PM20D1: variants seen among roughly 807,000 people sequenced by gnomAD.
PM20D1 encodes the protein peptidase M20 domain containing 1.
In PM20D1, 53 loss-of-function variants were observed where a neutral mutation model predicts 53.8. That is an observed-to-expected ratio of 0.98 (90% CI 0.79 to 1.24). The LOEUF (loss-of-function observed/expected upper bound fraction) is 1.24, where lower values mean the gene tolerates loss of function less well. PM20D1 is among the 50% of genes most tolerant of loss of function. The pLI, the probability that PM20D1 is intolerant of heterozygous loss-of-function variation, is 0.00. For missense variants in PM20D1, 564 were observed against 616.8 expected (o/e 0.91, Z 0.91); for synonymous variants, 239 against 241.3 (o/e 0.99, Z 0.09).
chr1:205,844,097 G>C lies in PM20D1; in HGVS notation c.697C>G (p.Pro233Ala), dbSNP rs1166953221. ...LDDFIPNFKK[P>A]IALIAVSEKG... is the part of the protein sequence containing the mutation. The stretch of plus-strand genomic sequence containing the variant: ...GGATGCTTTACTCACAAGGCGATGG[G>C]CTTCTTGAAGTTAGGAATGAAATCA... The change falls in exon 5 of 13, where the codon CCC (proline) becomes GCC (alanine). Residue 233 changes from proline (P) to alanine (A), a missense_variant. Transcript: ENST00000367136. The C allele has an allele frequency of 6.2e-7, 1 of 1,612,142 alleles. No homozygotes were observed. Among genetic ancestry groups the C allele is most frequent in the Admixed American group, 1.7e-5 (1 of 59,778 alleles).
chr1:205,845,770 G>A (rs1317097671), intron 2 of PM20D1, among the ~76,000 whole-genome samples: 1 of 152,142 alleles, frequency 6.6e-6, no homozygotes, highest in African/African-American at 2.4e-5. Context: ...CTATTACTAT[G>A]TAATAAATGC....
At chr1:205,836,556 G>A (rs1656692097) in intron 10 of PM20D1, among the ~76,000 whole-genome samples, 1 of 152,178 alleles carries the variant, frequency 6.6e-6, no homozygotes, top group East Asian at 1.9e-4. Context: ...CACCCAGGCT[G>A]GAGTGCAGTG....
At chr1:205,830,165 G>T in intron 12 of PM20D1, 115 bp downstream of exon 12, 1 of 760,958 alleles carries the variant, frequency 1.3e-6, no homozygotes, top group South Asian at 1.8e-5. Context: ...ATTTCATTTT[G>T]CCAAATCCTG....
intron 3 of PM20D1, 129 bp from the exon 4 acceptor site, chr1:205,845,026 A>G: frequency 2.5e-6 from 2 of 786,494 alleles, no homozygotes; most frequent in Non-Finnish European, 4.1e-6. Flanking sequence ...CTCTTGAAAG[A>G]GAACAGATTC....
intron 4 of PM20D1, 66 bp from the exon 5 acceptor site, chr1:205,844,283 T>C: frequency 2.0e-6 from 3 of 1,493,176 alleles, no homozygotes; most frequent in Non-Finnish European, 2.7e-6. Context: ...ACATAGCTAA[T>C]GGGGACCTAT....
intron 2 of PM20D1, among the ~76,000 whole-genome samples, chr1:205,847,006 C>CTTTTTTTTT (rs778538865): frequency 6.7e-5 from 3 of 44,666 alleles, no homozygotes; most frequent in Non-Finnish European, 1.2e-4. Context: ...TCCTTCCTTT[C>CTTTTTTTTT]TTTTTTTTTT....
In PM20D1 at chr1:205,849,974, A is replaced by T. The variant is rs1226892501; in HGVS notation, c.99T>A (p.His33Gln). The change falls in exon 1 of 13, where the codon CAT becomes CAA. Residue 33 changes from histidine to glutamine, a missense_variant. Coordinates refer to ENST00000367136, the MANE Select transcript of PM20D1 (RefSeq NM_152491.5). ...GAGAAGGGATTCGCGACGCCCTTTG[A>T]TGCTCCCCGCTCCTCGGGCCCATCG... ...SRSMGPRSGE[H>Q]QRASRIPSQF... The T allele has an allele frequency of 6.8e-6, 11 of 1,613,868 alleles. No individual in the cohort carries two copies. Among genetic ancestry groups the T allele is most frequent in the African/African-American group, 1.3e-5 (1 of 74,852 alleles).
chr1:205,841,759 G>A, intron 9 of PM20D1, 52 bp downstream of exon 9: 2 of 1,466,374 alleles, frequency 1.4e-6, no homozygotes, highest in East Asian at 2.5e-5. Context: ...AAGGAAGGGA[G>A]GAGTGGAGGG....
At chr1:205,842,862 G>A in intron 6 of PM20D1, 111 bp from the exon 7 acceptor site, 1 of 883,788 alleles carries the variant, frequency 1.1e-6, no homozygotes, top group East Asian at 2.5e-5. Flanking sequence ...TGGCCAAGAG[G>A]TCTCTCATTC....
At chr1:205,844,660 A>T (rs754259228) in intron 4 of PM20D1, 151 bp downstream of exon 4, 31 of 657,634 alleles carry the variant, frequency 4.7e-5, no homozygotes, top group Middle Eastern at 4.1e-4. Context: ...CAAGGTCCTT[A>T]GATAGTCCTG....
In PM20D1 at chr1:205,842,737, G is replaced by T. The variant is rs141605758; in HGVS notation, c.842C>A (p.Pro281Gln). The change falls in exon 7 of 13, where the codon CCA becomes CAA. Residue 281 changes from proline (P) to glutamine (Q), a missense_variant. Physicochemically the swap from Pro to Gln is moderately conservative, Grantham distance 76. Coordinates refer to ENST00000367136, the MANE Select transcript of PM20D1 (RefSeq NM_152491.5). ...CCCGCTTCCAAATATGATAGGCATTGGTGTCTGCTCCAATCTGGAAGAGAA... is the reference window on the plus strand; with the variant it reads ...CCCGCTTCCAAATATGATAGGCATTTGTGTCTGCTCCAATCTGGAAGAGAA... ...AAAVSRLEQT[P>Q]MPIIFGSGTV... is the part of the protein sequence containing the mutation. 8,944 of 1,613,942 alleles carry T rather than the reference G, an allele frequency of 5.5e-3. 49 individuals carry two copies. The highest frequency in any genetic ancestry group is 0.012 in the Admixed American group (704 of 60,020).
chr1:205,843,810 C>T, intron 5 of PM20D1, 24 bp from the exon 6 acceptor site: 1 of 1,609,282 alleles, frequency 6.2e-7, no homozygotes, highest in South Asian at 1.1e-5. Context: ...TCGGAAACCA[C>T]TCTCCTGACT....
At chr1:205,830,140 T>A (rs1656525138) in intron 12 of PM20D1, 140 bp downstream of exon 12, 1 of 640,044 alleles carries the variant, frequency 1.6e-6, no homozygotes, top group East Asian at 2.8e-5. Context: ...ATGGGTTAGG[T>A]TCTACAATGT....
At position 205,828,557 on chromosome 1, in the gene PM20D1, T is replaced by C; in HGVS notation, c.*63A>G. On this transcript the variant is annotated 3_prime_UTR_variant, in exon 13 of 13. Transcript: ENST00000367136. ...GATCAAAAGTTTCATCAACACTAGC[T>C]TTCCCCCTTGGGTTAGTCCTGTCCC... 3 of 1,597,296 alleles carry C rather than the reference T, an allele frequency of 1.9e-6. No homozygotes were observed. Among genetic ancestry groups the C allele is most frequent in the Non-Finnish European group, 2.6e-6 (3 of 1,172,030 alleles).
Position 205,842,679 on chromosome 1 carries a change from A to T in PM20D1, c.900T>A (p.Asn300Lys), listed in dbSNP as rs1201719468. The change falls in exon 7 of 13, where the codon AAT becomes AAA. Residue 300 changes from asparagine (N) to lysine (K), a missense_variant. Transcript: ENST00000367136. ...TVVTVLQQLA[N>K]EFPFPVNIIL... The stretch of plus-strand genomic sequence containing the variant: ...TATGTGATACTTCTTCCCATACCTC[A>T]TTTGCCAGTTGCTGCAATACAGTCA... The T allele has an allele frequency of 6.2e-7, 1 of 1,613,900 alleles. No homozygotes were observed. The highest frequency in any genetic ancestry group is 8.5e-7 in the Non-Finnish European group (1 of 1,179,974).
At chr1:205,838,638 A>G (rs1244559101) in intron 10 of PM20D1, among the ~76,000 whole-genome samples, 2 of 151,944 alleles carry the variant, frequency 1.3e-5, no homozygotes, top group African/African-American at 4.8e-5. Context: ...TGTTAATGAC[A>G]CTCCAGCCTA....
In PM20D1 at chr1:205,847,017, T is replaced by C. The variant is rs553391076; in HGVS notation, c.256+868A>G. ...TCCTTCCTTCCTTTCTTTTTTTTTT[T>C]TTTTTTTTTTTTTTTTCAGAGACAA... is the stretch of plus-strand genomic sequence containing the variant. On this transcript the variant is annotated intron_variant, in intron 2 of 12. Transcript: ENST00000367136. 8.2e-4 allele frequency among the ~76,000 whole-genome samples: 110 copies of C among 134,798 alleles called. 1 individual carries two copies. Among genetic ancestry groups the C allele is most frequent in the African/African-American group, 2.8e-3 (101 of 36,142 alleles). 88.4% of individuals were successfully genotyped at this position (134,798 alleles called of 152,430 possible).
In PM20D1 at chr1:205,845,387, C is replaced by G. The variant is rs983646646; in HGVS notation, c.427G>C (p.Gly143Arg). The G allele has an allele frequency of 1.2e-6, 2 of 1,614,072 alleles. No individual in the cohort carries two copies. The highest frequency in any genetic ancestry group is 1.7e-6 in the Non-Finnish European group (2 of 1,180,042). Residue 143 changes from glycine to arginine, a missense_variant, in exon 3 of 13, where the codon GGG (glycine) becomes CGG (arginine). Physicochemically the swap from Gly to Arg is moderately radical, Grantham distance 125. Coordinates refer to ENST00000367136, the MANE Select transcript of PM20D1 (RefSeq NM_152491.5). Reference sequence around the variant, plus strand: ...TAGATGATGCCATCACGCTCCAACCCAGAGAATGGGGGCACCTCCCAGCCT... The same window carrying G: ...TAGATGATGCCATCACGCTCCAACCGAGAGAATGGGGGCACCTCCCAGCCT... Reference protein sequence around the residue: ...EEGWEVPPFSGLERDGIIYGR... With the variant: ...EEGWEVPPFSRLERDGIIYGR...
At chr1:205,838,820 C>A (rs1656741263) in intron 10 of PM20D1, among the ~76,000 whole-genome samples, 1 of 152,206 alleles carries the variant, frequency 6.6e-6, no homozygotes, top group East Asian at 1.9e-4. Context: ...AGGTTAAAAA[C>A]CTTGGAGCCA....
Sources: allele counts gnomAD v4.1 joint callset (sites outside exome capture counted in the v4.1 genomes callset), GRCh38; gene constraint gnomAD v4.1.1; transcripts MANE v1.5; gene names NCBI Gene and HGNC (gene_info 2026-07-23, HGNC 2026-07-21).